ADAMTS6: variants seen among roughly 807,000 people sequenced by gnomAD.
ADAMTS6 encodes the protein A disintegrin and metalloproteinase with thrombospondin motifs 6.
A neutral mutation model predicts 144.3 loss-of-function variants in ADAMTS6; 23 were observed. That is an observed-to-expected ratio of 0.16 (90% CI 0.11 to 0.23). ADAMTS6 has a LOEUF of 0.23. Among genes scored for constraint, ADAMTS6 ranks in the 10% least tolerant of loss-of-function variants. The pLI, the probability that ADAMTS6 is intolerant of heterozygous loss-of-function variation, is 1.00. For synonymous variants in ADAMTS6, 444 were observed against 457.5 expected, an observed-to-expected ratio of 0.97 and a Z score of 0.38; for missense variants, 999 against 1,379.6, an observed-to-expected ratio of 0.72 and a Z score of 4.37.
chr5:65,297,829 C>T (rs1742990535), intron 10 of ADAMTS6, among the ~76,000 whole-genome samples: 1 of 151,874 alleles, frequency 6.6e-6, no homozygotes, highest in Admixed American at 6.6e-5. Flanking sequence ...CCAAGTTTTC[C>T]CCAAGTCTCT....
At chr5:65,467,602 A>G (rs1315369762) in intron 3 of ADAMTS6, among the ~76,000 whole-genome samples, 2 of 152,184 alleles carry the variant, frequency 1.3e-5, no homozygotes, top group Non-Finnish European at 2.9e-5. Flanking sequence ...TGCCCTATAT[A>G]TTCCCTTTCC....
At chr5:65,461,184 A>G (rs1006091061) in intron 3 of ADAMTS6, among the ~76,000 whole-genome samples, 2 of 152,102 alleles carry the variant, frequency 1.3e-5, no homozygotes, top group South Asian at 2.1e-4. Flanking sequence ...CTCTAGTCCA[A>G]ATGGAGTAGC....
chr5:65,254,037 G>T (rs931734251), intron 14 of ADAMTS6, among the ~76,000 whole-genome samples: 6 of 151,344 alleles, frequency 4.0e-5, no homozygotes, highest in African/African-American at 1.5e-4. Context: ...TAGAGAAGGG[G>T]TTTCACCATG....
intron 21 of ADAMTS6, among the ~76,000 whole-genome samples, chr5:65,189,453 G>A (rs1023521865): frequency 6.6e-6 from 1 of 152,150 alleles, no homozygotes; most frequent in Admixed American, 6.5e-5. Flanking sequence ...AGTGAAATTA[G>A]CTGATTTCAA....
intron 7 of ADAMTS6, among the ~76,000 whole-genome samples, chr5:65,424,859 C>T (rs1039497360): frequency 1.1e-4 from 16 of 152,092 alleles, no homozygotes; most frequent in African/African-American, 3.9e-4. Context: ...ATTTCTAGGA[C>T]CTAATTTTGA....
At chr5:65,250,231 G>T (rs1241653242) in intron 14 of ADAMTS6, among the ~76,000 whole-genome samples, 3 of 152,190 alleles carry the variant, frequency 2.0e-5, no homozygotes, top group Admixed American at 2.0e-4. Context: ...AACTCTGCAA[G>T]TTTCATACAG....
intron 7 of ADAMTS6, among the ~76,000 whole-genome samples, chr5:65,347,142 A>C (rs1490660634): frequency 6.6e-6 from 1 of 152,014 alleles, no homozygotes; most frequent in Non-Finnish European, 1.5e-5. Context: ...TACAGATTCT[A>C]TATAATCCCT....
At chr5:65,371,998 C>T (rs1280014705) in intron 7 of ADAMTS6, among the ~76,000 whole-genome samples, 1 of 151,924 alleles carries the variant, frequency 6.6e-6, no homozygotes, top group African/African-American at 2.4e-5. Flanking sequence ...ATTTTCAACC[C>T]CGAATTTCAT....
chr5:65,480,610 T>C (rs1184733960), intron 1 of ADAMTS6, among the ~76,000 whole-genome samples: 17 of 152,124 alleles, frequency 1.1e-4, no homozygotes, highest in African/African-American at 3.9e-4. Context: ...AAGACAGGAA[T>C]TGTAGCACAT....
intron 4 of ADAMTS6, among the ~76,000 whole-genome samples, chr5:65,459,953 T>C (rs1759520107): frequency 6.6e-6 from 1 of 152,048 alleles, no homozygotes; most frequent in Non-Finnish European, 1.5e-5. Flanking sequence ...AAAAAGAAAA[T>C]GAATTTTATA....
chr5:65,362,799 CAGTAGAGGAATCATTCATAA>C (rs1300771617), intron 7 of ADAMTS6, among the ~76,000 whole-genome samples: 1 of 152,106 alleles, frequency 6.6e-6, no homozygotes, highest in Non-Finnish European at 1.5e-5. Flanking sequence ...ATTTTCACTC[CAGTAGAGGAATCATTCATAA>C]ATGCAATCAA....
In ADAMTS6 at chr5:65,197,166, GA is replaced by G; in HGVS notation, c.2576-16del. 1 of 1,612,086 alleles carries G rather than the reference GA, an allele frequency of 6.2e-7. No homozygotes were observed. The highest frequency in any genetic ancestry group is 8.5e-7 in the Non-Finnish European group (1 of 1,179,152). On this transcript the variant is annotated splice_polypyrimidine_tract_variant and intron_variant, in intron 20 of 24. Transcript: ENST00000381055. ...TCTTTGGACACCTTGAGAAAAGGAGGACATCATTAATTGAAGAGAAGTTTAC... is the reference window on the plus strand; with the variant it reads ...TCTTTGGACACCTTGAGAAAAGGAGGCATCATTAATTGAAGAGAAGTTTAC...
At chr5:65,446,174 T>C (rs748566170) in intron 7 of ADAMTS6, among the ~76,000 whole-genome samples, 16 of 152,204 alleles carry the variant, frequency 1.1e-4, no homozygotes, top group Non-Finnish European at 2.2e-4. Flanking sequence ...CAAATAAATG[T>C]TAATATATCA....
At chr5:65,207,546 A>G (rs1280002498) in intron 20 of ADAMTS6, among the ~76,000 whole-genome samples, 1 of 152,224 alleles carries the variant, frequency 6.6e-6, no homozygotes, top group African/African-American at 2.4e-5. Flanking sequence ...AATATTAAAT[A>G]AGAGGAGGGG....
chr5:65,157,584 A>G (rs1398723083), intron 24 of ADAMTS6, among the ~76,000 whole-genome samples: 2 of 152,232 alleles, frequency 1.3e-5, no homozygotes, highest in Non-Finnish European at 2.9e-5. Context: ...GGTTCAGAAG[A>G]AGAAAACAGT....
intron 22 of ADAMTS6, among the ~76,000 whole-genome samples, chr5:65,174,532 C>A (rs1278065105): frequency 2.6e-5 from 4 of 152,204 alleles, no homozygotes; most frequent in Non-Finnish European, 5.9e-5. Context: ...CGGGAAGGAA[C>A]TGGCACTTGG....
chr5:65,349,204 T>C (rs937585624), intron 7 of ADAMTS6, among the ~76,000 whole-genome samples: 8 of 152,154 alleles, frequency 5.3e-5, no homozygotes, highest in African/African-American at 1.7e-4. Flanking sequence ...TAGGGTCTTT[T>C]AAGTCTAGCT....
At chr5:65,188,792 G>C (rs1444784412) in intron 21 of ADAMTS6, among the ~76,000 whole-genome samples, 1 of 152,182 alleles carries the variant, frequency 6.6e-6, no homozygotes, top group East Asian at 1.9e-4. Context: ...CTAACATAGT[G>C]TCTGTCATAT....
chr5:65,176,051 G>A (rs1373135440), intron 22 of ADAMTS6, among the ~76,000 whole-genome samples: 2 of 151,792 alleles, frequency 1.3e-5, no homozygotes, highest in Admixed American at 6.6e-5. Context: ...CCTTAAGACA[G>A]TCTAGTCCAC....
Sources: gnomAD v4.1 joint callset for allele counts (sites outside exome capture counted in the v4.1 genomes callset) on GRCh38, gnomAD v4.1.1 for gene constraint, MANE v1.5 for transcripts, NCBI Gene and HGNC (gene_info 2026-07-23, HGNC 2026-07-21) for gene names.